The following SIPA1L1 variants were observed in gnomAD, a reference collection of about 807,000 sequenced individuals.
SIPA1L1 encodes the protein signal-induced proliferation-associated 1-like protein 1.
In SIPA1L1, 26 loss-of-function variants were observed where a neutral mutation model predicts 162.7. That is an observed-to-expected ratio of 0.16 (90% CI 0.12 to 0.22). The LOEUF (loss-of-function observed/expected upper bound fraction) is 0.22. Ranked by LOEUF, SIPA1L1 falls within the 10% of genes least tolerant of loss-of-function variation. The pLI, the probability that SIPA1L1 is intolerant of heterozygous loss-of-function variation, is 1.00. For missense variants in SIPA1L1, 1,874 were observed against 2,241.0 expected (o/e 0.84, Z 3.31); for synonymous variants, 829 against 837.4 (o/e 0.99, Z 0.17).
Position 71,587,979 on chromosome 14 carries a change from T to C in SIPA1L1, c.107T>C (p.Met36Thr). ...AAAGTCCACACTGATGATTTCTACATGCGGCGCTTCCGGTCCCAAAATGGC... is the reference window on the plus strand; with the variant it reads ...AAAGTCCACACTGATGATTTCTACACGCGGCGCTTCCGGTCCCAAAATGGC... Reference protein sequence around the residue: ...TPKVHTDDFYMRRFRSQNGSL... With the variant: ...TPKVHTDDFYTRRFRSQNGSL... The change falls in exon 5 of 24, where the codon ATG becomes ACG. Residue 36 changes from methionine (M) to threonine (T), a missense_variant. Physicochemically the swap from Met to Thr is moderately conservative, Grantham distance 81. Coordinates refer to ENST00000381232, the MANE Select transcript of SIPA1L1 (RefSeq NM_001386936.1). 6.2e-7 allele frequency: 1 copy of C among 1,614,076 alleles called. No homozygotes were observed. The highest frequency in any genetic ancestry group is 8.5e-7 in the Non-Finnish European group (1 of 1,179,980).
Position 71,565,444 on chromosome 14 carries a change from C to T in SIPA1L1, c.-302-22127C>T, listed in dbSNP as rs1173023750. ...CTAGAGATTTTACCGAAGGTTCCAC[C>T]TTCCATGAATTTTGTAATCAAGCAA... On this transcript the variant is annotated intron_variant, in intron 4 of 23. Transcript: ENST00000381232. Among the ~76,000 whole-genome samples the T allele has an allele frequency of 2.6e-5, 4 of 152,316 alleles. No individual in the cohort carries two copies. The East Asian group carries it at 7.7e-4, about 29-fold the overall frequency.
chr14:71,551,322 G>A (rs982994005), intron 4 of SIPA1L1, among the ~76,000 whole-genome samples: 5 of 152,104 alleles, frequency 3.3e-5, no homozygotes, highest in Non-Finnish European at 7.3e-5. Flanking sequence ...CACATTCTAG[G>A]AAACCTCTTC....
intron 5 of SIPA1L1, among the ~76,000 whole-genome samples, chr14:71,613,243 T>C (rs2038430052): frequency 6.6e-6 from 1 of 152,212 alleles, no homozygotes; most frequent in Non-Finnish European, 1.5e-5. Flanking sequence ...GTAAATGAGC[T>C]GATTAATTAA....
At chr14:71,685,875 G>A (rs556162031) in intron 13 of SIPA1L1, among the ~76,000 whole-genome samples, 77 of 152,266 alleles carry the variant, frequency 5.1e-4, no homozygotes, top group African/African-American at 8.4e-4. Context: ...TTTAATTTCC[G>A]TGTGATTATC....
Position 71,709,075 on chromosome 14 carries a change from G to A in SIPA1L1, c.3766-147G>A, listed in dbSNP as rs373818601. On this transcript the variant is annotated intron_variant, in intron 16 of 23. Coordinates refer to ENST00000381232, the MANE Select transcript of SIPA1L1 (RefSeq NM_001386936.1). Reference sequence around the variant, plus strand: ...TTCTGAATGGACCATAGTGACATAGGTTCCCTGTCTTACTGTGACTAGTCA... The same window carrying A: ...TTCTGAATGGACCATAGTGACATAGATTCCCTGTCTTACTGTGACTAGTCA... 6 of 629,356 alleles carry A rather than the reference G, an allele frequency of 9.5e-6. No homozygotes were observed. In the African/African-American group the frequency reaches 1.1e-4, roughly 12 times the overall value. 39.0% of individuals were successfully genotyped at this position (629,356 alleles called of 1,614,324 possible).
Position 71,739,142 on chromosome 14 carries a change from A to G in SIPA1L1, c.5333A>G (p.Asn1778Ser), listed in dbSNP as rs1338291131. 1 of 1,613,568 alleles carries G rather than the reference A, an allele frequency of 6.2e-7. No individual in the cohort carries two copies. The highest frequency in any genetic ancestry group is 8.5e-7 in the Non-Finnish European group (1 of 1,179,678). The change falls in exon 24 of 24, where the codon AAC becomes AGC. Residue 1778 changes from asparagine (N) to serine (S), a missense_variant. Asn to Ser is a conservative substitution (Grantham distance 46, BLOSUM62 1). Around this residue, in one of 5 missense-constraint regions of SIPA1L1, gnomAD observed 936 missense variants for 1,051.9 expected, o/e 0.89. Transcript: ENST00000381232. ...KLKKFTEWVF[N>S]TIDMS ...AAGAAGTTCACAGAATGGGTCTTCAACACCATAGACATGAGCTAGGGAAGG... is the reference window on the plus strand; with the variant it reads ...AAGAAGTTCACAGAATGGGTCTTCAGCACCATAGACATGAGCTAGGGAAGG...
intron 17 of SIPA1L1, among the ~76,000 whole-genome samples, chr14:71,716,931 G>A (rs2083312764): frequency 6.6e-6 from 1 of 152,140 alleles, no homozygotes; most frequent in African/African-American, 2.4e-5. Flanking sequence ...GAAACAGTCT[G>A]GCTCTCTTGC....
At chr14:71,485,609 C>G (rs766153351) in intron 2 of SIPA1L1, among the ~76,000 whole-genome samples, 18 of 151,816 alleles carry the variant, frequency 1.2e-4, no homozygotes, top group Admixed American at 2.6e-4. Flanking sequence ...CTTAGGGCTC[C>G]CACTGACTCT....
At chr14:71,727,571 A>G (rs1358672844) in intron 19 of SIPA1L1, among the ~76,000 whole-genome samples, 1 of 152,056 alleles carries the variant, frequency 6.6e-6, no homozygotes, top group Non-Finnish European at 1.5e-5. Context: ...GTGGTGCTAT[A>G]AGGAACCCTT....
intron 8 of SIPA1L1, among the ~76,000 whole-genome samples, chr14:71,657,160 C>A (rs1028969062): frequency 6.6e-6 from 1 of 151,804 alleles, no homozygotes; most frequent in African/African-American, 2.4e-5. Flanking sequence ...CCATCCTGGC[C>A]AACATGGTGA....
chr14:71,578,289 GA>G (rs1161618042), intron 4 of SIPA1L1, among the ~76,000 whole-genome samples: 2 of 152,054 alleles, frequency 1.3e-5, no homozygotes, highest in Non-Finnish European at 2.9e-5. Flanking sequence ...GCTGGTCTCA[GA>G]CTCCTGAGCT....
At chr14:71,515,553 CTATG>C (rs2051629927) in intron 3 of SIPA1L1, among the ~76,000 whole-genome samples, 1 of 152,158 alleles carries the variant, frequency 6.6e-6, no homozygotes, top group East Asian at 1.9e-4. Context: ...CTTGATGTCT[CTATG>C]TAACTTACCA....
chr14:71,399,816 G>A (rs1474331509), intron 2 of SIPA1L1, among the ~76,000 whole-genome samples: 1 of 151,862 alleles, frequency 6.6e-6, no homozygotes, highest in Non-Finnish European at 1.5e-5. Context: ...CACCTCTCGG[G>A]TTCAAGCGAT....
At chr14:71,491,831 C>T (rs561307311) in intron 2 of SIPA1L1, among the ~76,000 whole-genome samples, 4 of 150,702 alleles carry the variant, frequency 2.7e-5, no homozygotes, top group South Asian at 4.2e-4. Flanking sequence ...CCCGCCCCCC[C>T]ACATGAAGAG....
At chr14:71,585,257 G>A (rs538706807) in intron 4 of SIPA1L1, among the ~76,000 whole-genome samples, 128 of 151,446 alleles carry the variant, frequency 8.5e-4, no homozygotes, top group Non-Finnish European at 1.3e-3. Flanking sequence ...TGCCCATCTC[G>A]AACCTCATCA....
At chr14:71,482,299 G>A (rs2048411388) in intron 2 of SIPA1L1, among the ~76,000 whole-genome samples, 1 of 152,160 alleles carries the variant, frequency 6.6e-6, no homozygotes. Flanking sequence ...AGTTAAGTGG[G>A]GTGAAAGACT....
At chr14:71,553,087 C>G (rs1288211036) in intron 4 of SIPA1L1, among the ~76,000 whole-genome samples, 1 of 152,128 alleles carries the variant, frequency 6.6e-6, no homozygotes, top group Non-Finnish European at 1.5e-5. Context: ...CTGTTGAAAT[C>G]CACTCTTCTA....
chr14:71,619,799 T>C (rs138536880), intron 6 of SIPA1L1, among the ~76,000 whole-genome samples: 209 of 152,312 alleles, frequency 1.4e-3, no homozygotes, highest in Non-Finnish European at 2.5e-3. Context: ...GTTGGCATCA[T>C]TTAGTAATAG....
At chr14:71,476,400 G>A (rs1371190058) in intron 2 of SIPA1L1, among the ~76,000 whole-genome samples, 1 of 152,118 alleles carries the variant, frequency 6.6e-6, no homozygotes, top group Non-Finnish European at 1.5e-5. Flanking sequence ...TCATATTTTT[G>A]TGGCTGAACA....
Sources: gnomAD v4.1 joint callset for allele counts (sites outside exome capture counted in the v4.1 genomes callset) on GRCh38, gnomAD v4.1.1 for gene constraint, gnomAD v4.1.1 regional missense constraint, MANE v1.5 for transcripts, NCBI Gene and HGNC (gene_info 2026-07-23, HGNC 2026-07-21) for gene names.